GPR139: variants seen among roughly 807,000 people sequenced by gnomAD.
GPR139 encodes probable G protein-coupled receptor 139.
GPR139 carries 12 observed loss-of-function variants against 25.8 expected under a neutral mutation model. The observed-to-expected ratio is 0.47, with a 90% CI of 0.30 to 0.75. GPR139 has a LOEUF of 0.75. Ranked by LOEUF, GPR139 falls within the 30% of genes least tolerant of loss-of-function variation. The pLI, the probability that GPR139 is intolerant of heterozygous loss-of-function variation, is 0.07. For missense variants in GPR139, 380 were observed against 450.2 expected (o/e 0.84, Z 1.41); for synonymous variants, 184 against 179.9 (o/e 1.02, Z -0.18).
At position 20,031,759 on chromosome 16, in the gene GPR139, T is replaced by C. The variant is rs774901349; in HGVS notation, c.1038A>G (p.Gly346=). 6.2e-7 allele frequency: 1 copy of C among 1,614,136 alleles called. No homozygotes were observed. Among genetic ancestry groups the C allele is most frequent in the African/African-American group, 1.3e-5 (1 of 75,042 alleles). ...ATCACGGGGATACTTTTATAGGTTT[T>C]CCATTTTTGTCATACTGGTACACCA... The part of the protein sequence containing the change: ...KMLVYQYDKN[G]KPIKVSP Residue 346 remains glycine, a synonymous_variant, in exon 2 of 2, where the codon GGA becomes GGG. Transcript: ENST00000570682.
chr16:20,047,595 T>A (rs1248905479), intron 1 of GPR139, among the ~76,000 whole-genome samples: 1 of 152,196 alleles, frequency 6.6e-6, no homozygotes, highest in African/African-American at 2.4e-5. Flanking sequence ...TGAACTAGTC[T>A]ATATCAAGGT....
chr16:20,067,745 G>A (rs1004318270), intron 1 of GPR139, among the ~76,000 whole-genome samples: 3 of 146,918 alleles, frequency 2.0e-5, no homozygotes, highest in South Asian at 2.2e-4. Context: ...CAGAAGTTGC[G>A]GTGAGCCGAG....
intron 1 of GPR139, among the ~76,000 whole-genome samples, chr16:20,072,355 G>C (rs1236682456): frequency 6.6e-6 from 1 of 152,154 alleles, no homozygotes; most frequent in African/African-American, 2.4e-5. Flanking sequence ...TCTCAGCCAG[G>C]CTCTCAGAAA....
Position 20,073,864 on chromosome 16 carries a change from CG to C in GPR139, c.-249del, listed in dbSNP as rs1333753070. 6.8e-6 allele frequency: 3 copies of C among 442,560 alleles called. No homozygotes were observed. The highest frequency in any genetic ancestry group is 4.7e-5 in the Admixed American group (1 of 21,396). 27.4% of individuals were successfully genotyped at this position (442,560 alleles called of 1,614,324 possible). On this transcript the variant is annotated 5_prime_UTR_variant, in exon 1 of 2. Transcript: ENST00000570682. The surrounding 1 kb of genome is among the most constrained non-coding windows in gnomAD (Gnocchi z 4.7). ...GTGCGGGGCGCGCTGCGCGGGGCCT[CG>C]GGAGGGGCTCCCGGAGCCCGTCTGT...
rs891009325 is a variant in GPR139, at chr16:20,030,420, A to G, written c.*1315T>C. On this transcript the variant is annotated 3_prime_UTR_variant, in exon 2 of 2. Transcript: ENST00000570682. ...AAAAAAGAAACACTAAATAAGACGA[A>G]TATAATCATGTGTGTGTGTGTGCTG... Among the ~76,000 whole-genome samples the G allele has an allele frequency of 4.1e-5, 4 of 98,014 alleles. No individual in the cohort carries two copies. The highest frequency in any genetic ancestry group is 1.2e-4 in the African/African-American group (4 of 32,890). 64.3% of individuals were successfully genotyped at this position (98,014 alleles called of 152,430 possible).
chr16:20,038,870 G>A (rs2057320597), intron 1 of GPR139, among the ~76,000 whole-genome samples: 1 of 152,216 alleles, frequency 6.6e-6, no homozygotes, highest in South Asian at 2.1e-4. Context: ...GGGAAAGAGT[G>A]ATGTTGACAG....
chr16:20,032,376 A>G lies in GPR139; in HGVS notation c.421T>C (p.Tyr141His). 3.7e-6 allele frequency: 6 copies of G among 1,614,188 alleles called. No individual in the cohort carries two copies. The highest frequency in any genetic ancestry group is 5.1e-6 in the Non-Finnish European group (6 of 1,180,026). Residue 141 changes from tyrosine (Y) to histidine (H), a missense_variant, in exon 2 of 2, where the codon TAC becomes CAC. Transcript: ENST00000570682. The stretch of plus-strand genomic sequence containing the variant: ...ATGACTTTCCGGGTGCGGGCTGGGT[A>G]TGAGACCGTGTGGTACTTGAGCGGG... ...CHPLKYHTVSYPARTRKVIVS... is the reference protein window; with the variant it reads ...CHPLKYHTVSHPARTRKVIVS...
At position 20,031,843 on chromosome 16, in the gene GPR139, G is replaced by A. The variant is rs868621318; in HGVS notation, c.954C>T (p.Asn318=). 6.2e-7 allele frequency: 1 copy of A among 1,614,204 alleles called. No homozygotes were observed. Among genetic ancestry groups the A allele is most frequent in the Admixed American group, 1.7e-5 (1 of 60,024 alleles). The change falls in exon 2 of 2, where the codon AAC becomes AAT. Residue 318 remains asparagine (N), a synonymous_variant. Coordinates refer to ENST00000570682, the MANE Select transcript of GPR139 (RefSeq NM_001002911.4). The part of the protein sequence containing the change: ...KQPVQFYTNH[N]FSITSSPWIS... ...TCCAGGGGCTACTTGTTATGGAAAAGTTATGATTGGTGTAGAACTGTACAG... is the reference window on the plus strand; with the variant it reads ...TCCAGGGGCTACTTGTTATGGAAAAATTATGATTGGTGTAGAACTGTACAG...
At chr16:20,041,567 G>A (rs2057336465) in intron 1 of GPR139, among the ~76,000 whole-genome samples, 2 of 152,096 alleles carry the variant, frequency 1.3e-5, no homozygotes, top group South Asian at 2.1e-4. Context: ...TGGAGGAAGG[G>A]TAAATAAAAA....
chr16:20,061,239 ATGG>A (rs1274361258), intron 1 of GPR139, among the ~76,000 whole-genome samples: 1 of 148,892 alleles, frequency 6.7e-6, no homozygotes, highest in East Asian at 1.9e-4. Flanking sequence ...GGATGGATGG[ATGG>A]ATGGATGGAT....
In GPR139 at chr16:20,032,029, GGGC is replaced by G; in HGVS notation, c.765_767del (p.Pro256del). The G allele has an allele frequency of 6.2e-7, 1 of 1,614,208 alleles. No individual in the cohort carries two copies. The highest frequency in any genetic ancestry group is 1.6e-4 in the Middle Eastern group (1 of 6,062). ...TGTGTACCAGCCAGCGGTTCTGGAT[GGGC>G]GCCCCATAGAGGTGGTAAAGAATCA... On this transcript the variant is annotated inframe_deletion, in exon 2 of 2. Transcript: ENST00000570682.
rs367694596 is a variant in GPR139, at chr16:20,062,772, CAGG to C, written c.127+10715_127+10717del. 4.9e-4 allele frequency among the ~76,000 whole-genome samples: 74 copies of C among 152,212 alleles called. No individual in the cohort carries two copies. In the East Asian group the frequency reaches 0.013, roughly 27 times the overall value. ...GTCACGTTAATAAAGTAAAAAGAAG[CAGG>C]AGAAGATAATTTTAACAATATATTT... On this transcript the variant is annotated intron_variant, in intron 1 of 1. Coordinates refer to ENST00000570682, the MANE Select transcript of GPR139 (RefSeq NM_001002911.4).
At position 20,033,514 on chromosome 16, in the gene GPR139, G is replaced by A. The variant is rs1232225381; in HGVS notation, c.128-845C>T. Among the ~76,000 whole-genome samples, 61 of 152,144 alleles carry A rather than the reference G, an allele frequency of 4.0e-4. 2 individuals are homozygous for A. Among genetic ancestry groups the A allele is most frequent in the Admixed American group, 3.9e-3 (59 of 15,278 alleles). ...ATATGGGGCTGAGGTGGCATTTCCTGCTATATGTGTTCAGGAAAGAGACGG... is the reference window on the plus strand; with the variant it reads ...ATATGGGGCTGAGGTGGCATTTCCTACTATATGTGTTCAGGAAAGAGACGG... On this transcript the variant is annotated intron_variant, in intron 1 of 1. Coordinates refer to ENST00000570682, the MANE Select transcript of GPR139 (RefSeq NM_001002911.4).
At chr16:20,046,138 A>G (rs915221625) in intron 1 of GPR139, among the ~76,000 whole-genome samples, 10 of 152,204 alleles carry the variant, frequency 6.6e-5, no homozygotes, top group African/African-American at 2.2e-4. Flanking sequence ...TAGCTTATCA[A>G]TTGTGCATAC....
At chr16:20,041,243 GAGGAGAGGGAAGGAGAAA>G (rs2057333452) in intron 1 of GPR139, among the ~76,000 whole-genome samples, 1 of 6,326 alleles carries the variant, frequency 1.6e-4, no homozygotes, top group Non-Finnish European at 3.9e-4. Flanking sequence ...GAGGAGAGGA[GAGGAGAGGGAAGGAGAAA>G]AGAAAAGCAT....
intron 1 of GPR139, among the ~76,000 whole-genome samples, chr16:20,033,994 A>T (rs1264170033): frequency 7.0e-6 from 1 of 143,122 alleles, no homozygotes; most frequent in Admixed American, 6.9e-5. Context: ...TTTTTTTTAA[A>T]AAAAGTCTCC....
At chr16:20,053,793 A>G (rs1308942301) in intron 1 of GPR139, among the ~76,000 whole-genome samples, 2 of 151,300 alleles carry the variant, frequency 1.3e-5, no homozygotes, top group Non-Finnish European at 2.9e-5. Flanking sequence ...ATAAGCATTC[A>G]TAGATGAAGA....
chr16:20,069,191 CAT>C (rs2141216507), intron 1 of GPR139, among the ~76,000 whole-genome samples: 1 of 152,198 alleles, frequency 6.6e-6, no homozygotes, highest in Non-Finnish European at 1.5e-5. Flanking sequence ...GAGTGCTTAC[CAT>C]ATTCCAGGCA....
At position 20,032,554 on chromosome 16, in the gene GPR139, C is replaced by A. The variant is rs148362881; in HGVS notation, c.243G>T (p.Val81=). ...AATCTTCCAACAGGAAGTCCACAAA[C>A]ACTATGAAAAAGAGGACCAAGATGT... is the stretch of plus-strand genomic sequence containing the variant. ...AADILVLFFI[V]FVDFLLEDFI... is the part of the protein sequence containing the mutation. Residue 81 remains valine (V), a synonymous_variant, in exon 2 of 2, where the codon GTG becomes GTT. Transcript: ENST00000570682. 157 of 1,614,134 alleles carry A rather than the reference C, an allele frequency of 9.7e-5. No homozygotes were observed. The highest frequency in any genetic ancestry group is 1.2e-4 in the Admixed American group (7 of 60,022).
Sources: gnomAD v4.1 joint callset for allele counts (sites outside exome capture counted in the v4.1 genomes callset) on GRCh38, gnomAD v4.1.1 for gene constraint, Gnocchi (gnomAD v3.1) non-coding constraint, MANE v1.5 for transcripts, NCBI Gene and HGNC (gene_info 2026-07-23, HGNC 2026-07-21) for gene names.